Variants in FBXW7 observed in about 807,000 individuals in gnomAD.
FBXW7 encodes F-box/WD repeat-containing protein 7.
FBXW7 carries 11 observed loss-of-function variants against 86.3 expected under a neutral mutation model. That is an observed-to-expected ratio of 0.13 (90% CI 0.08 to 0.21). The LOEUF is 0.21. FBXW7 is among the 10% of genes least tolerant of loss of function. The pLI, the probability that FBXW7 is intolerant of heterozygous loss-of-function variation, is 1.00. For missense variants in FBXW7, 488 were observed against 847.4 expected, an observed-to-expected ratio of 0.58 and a Z score of 5.27; for synonymous variants, 313 against 297.9, an observed-to-expected ratio of 1.05 and a Z score of -0.52.
chr4:152,416,566 A>C (rs1393210624), intron 2 of FBXW7, among the ~76,000 whole-genome samples: 4 of 152,160 alleles, frequency 2.6e-5, no homozygotes, highest in Non-Finnish European at 5.9e-5. Context: ...CACATTTGTA[A>C]CTTTAAAGAT....
chr4:152,473,217 G>A (rs537683853), intron 2 of FBXW7, among the ~76,000 whole-genome samples: 2 of 152,256 alleles, frequency 1.3e-5, no homozygotes, highest in African/African-American at 4.8e-5. Flanking sequence ...ACTCCAGGCT[G>A]GGCGACAGAG....
chr4:152,448,173 C>T (rs1045830969), intron 2 of FBXW7, among the ~76,000 whole-genome samples: 2 of 152,194 alleles, frequency 1.3e-5, no homozygotes, highest in African/African-American at 2.4e-5. Flanking sequence ...GCTGAAATCA[C>T]AACATCCATT....
At chr4:152,518,589 G>A (rs780395935) in intron 2 of FBXW7, among the ~76,000 whole-genome samples, 5 of 152,126 alleles carry the variant, frequency 3.3e-5, no homozygotes, top group African/African-American at 4.8e-5. Flanking sequence ...AAGCCATCAC[G>A]CTCAGCTTCA....
intron 2 of FBXW7, among the ~76,000 whole-genome samples, chr4:152,473,731 C>T (rs1306211105): frequency 6.6e-6 from 1 of 152,178 alleles, no homozygotes; most frequent in East Asian, 1.9e-4. Context: ...AGTCTAACTC[C>T]ACAACCTCTC....
chr4:152,493,384 C>T (rs1172767618), intron 2 of FBXW7, among the ~76,000 whole-genome samples: 1 of 151,976 alleles, frequency 6.6e-6, no homozygotes, highest in Non-Finnish European at 1.5e-5. Context: ...AGGCTGGTCT[C>T]GAACTCCTGA....
chr4:152,491,322 A>T (rs1745831775), intron 2 of FBXW7, among the ~76,000 whole-genome samples: 1 of 152,146 alleles, frequency 6.6e-6, no homozygotes, highest in South Asian at 2.1e-4. Flanking sequence ...TCATTCAATA[A>T]ATGTATTATT....
chr4:152,449,574 T>C lies in FBXW7; in HGVS notation c.-119-37045A>G, dbSNP rs995876831. Among the ~76,000 whole-genome samples the C allele has an allele frequency of 7.2e-5, 11 of 152,178 alleles. No individual in the cohort carries two copies. The South Asian group carries it at 1.9e-3, about 26-fold the overall frequency. On this transcript the variant is annotated intron_variant, in intron 2 of 13. Transcript: ENST00000281708. ...AATGAGAAAAAAGGACATATGGCTATATAGGTAGGTACTGACCACAAGTAA... is the reference window on the plus strand; with the variant it reads ...AATGAGAAAAAAGGACATATGGCTACATAGGTAGGTACTGACCACAAGTAA...
At chr4:152,495,367 G>A (rs1746231339) in intron 2 of FBXW7, among the ~76,000 whole-genome samples, 1 of 152,086 alleles carries the variant, frequency 6.6e-6, no homozygotes, top group South Asian at 2.1e-4. Flanking sequence ...CTTGAAACCG[G>A]GAGACAGAGG....
chr4:152,505,797 G>T (rs1202124876), intron 2 of FBXW7, among the ~76,000 whole-genome samples: 1 of 150,652 alleles, frequency 6.6e-6, no homozygotes, highest in Non-Finnish European at 1.5e-5. Flanking sequence ...ACTGGAGTGT[G>T]GTGGCGCTAT....
At chr4:152,468,259 T>C (rs1743635205) in intron 2 of FBXW7, among the ~76,000 whole-genome samples, 1 of 152,100 alleles carries the variant, frequency 6.6e-6, no homozygotes, top group Non-Finnish European at 1.5e-5. Context: ...TACTATATTA[T>C]CGAGCAATCC....
At chr4:152,520,427 G>A (rs1371486665) in intron 2 of FBXW7, among the ~76,000 whole-genome samples, 3 of 143,080 alleles carry the variant, frequency 2.1e-5, no homozygotes, top group Non-Finnish European at 3.0e-5. Flanking sequence ...GCGACAGAGC[G>A]AGACTCCGTC....
chr4:152,347,022 G>A lies in FBXW7; in HGVS notation c.634C>T (p.Leu212Phe). 6.2e-7 allele frequency: 1 copy of A among 1,612,976 alleles called. No individual in the cohort carries two copies. The stretch of plus-strand genomic sequence containing the variant: ...TGCCCTTGGCCATTGGCTGCTCTGA[G>A]GTCCCCAAAAGTTGTTGGTGTTGCT... ...CSATPTTFGDLRAANGQGQQR... is the reference protein window; with the variant it reads ...CSATPTTFGDFRAANGQGQQR... Residue 212 changes from leucine (L) to phenylalanine (F), a missense_variant, in exon 6 of 14, where the codon CTC becomes TTC. By Grantham distance (22) the Leu-to-Phe change is conservative. This residue lies in a region of FBXW7 where 59 missense variants were observed against 137.9 expected (regional missense o/e 0.43). Coordinates refer to ENST00000281708, the MANE Select transcript of FBXW7 (RefSeq NM_001349798.2).
chr4:152,351,874 T>C (rs1731851208), intron 4 of FBXW7, among the ~76,000 whole-genome samples: 1 of 152,118 alleles, frequency 6.6e-6, no homozygotes, highest in Admixed American at 6.5e-5. Flanking sequence ...CCCCAAAATG[T>C]GTATCAAGGA....
At chr4:152,489,851 A>T (rs890750567) in intron 2 of FBXW7, among the ~76,000 whole-genome samples, 7 of 152,084 alleles carry the variant, frequency 4.6e-5, no homozygotes, top group Non-Finnish European at 8.8e-5. Context: ...ATGTTCTTAC[A>T]TGACCCTGGG....
At chr4:152,339,357 T>A (rs1730482626) in intron 6 of FBXW7, among the ~76,000 whole-genome samples, 1 of 152,206 alleles carries the variant, frequency 6.6e-6, no homozygotes, top group Non-Finnish European at 1.5e-5. Context: ...TTAAAAGCAG[T>A]TAATTTGAAG....
intron 2 of FBXW7, among the ~76,000 whole-genome samples, chr4:152,529,437 AAGC>A (rs1749815293): frequency 6.6e-6 from 1 of 152,158 alleles, no homozygotes; most frequent in African/African-American, 2.4e-5. Context: ...TATAAACTAA[AAGC>A]AGGTTTCAAA....
At chr4:152,529,056 T>C (rs1749781528) in intron 2 of FBXW7, among the ~76,000 whole-genome samples, 1 of 152,162 alleles carries the variant, frequency 6.6e-6, no homozygotes, top group Non-Finnish European at 1.5e-5. Context: ...CTCATCTTTT[T>C]GTAATGACAA....
At chr4:152,444,547 A>C (rs78200532) in intron 2 of FBXW7, among the ~76,000 whole-genome samples, 1,996 of 152,278 alleles carry the variant, frequency 0.013, 23 homozygotes, top group Admixed American at 0.023. Flanking sequence ...CCACAAAAGA[A>C]CCAATTTACA....
chr4:152,496,368 A>C (rs1424708479), intron 2 of FBXW7, among the ~76,000 whole-genome samples: 2 of 152,208 alleles, frequency 1.3e-5, no homozygotes, highest in Non-Finnish European at 2.9e-5. Context: ...CCTAAAAAAA[A>C]AAAATCTAAT....
Sources: allele counts gnomAD v4.1 joint callset (sites outside exome capture counted in the v4.1 genomes callset), GRCh38; gene constraint gnomAD v4.1.1; regional missense constraint gnomAD v4.1.1; transcripts MANE v1.5; gene names NCBI Gene and HGNC (gene_info 2026-07-23, HGNC 2026-07-21).